SCAPER: variants seen among roughly 807,000 people sequenced by gnomAD.
The protein encoded by SCAPER is S phase cyclin A-associated protein in the endoplasmic reticulum.
In SCAPER, 98 loss-of-function variants were observed where a neutral mutation model predicts 182.2. That is an observed-to-expected ratio of 0.54 (90% CI 0.46 to 0.64). The LOEUF (loss-of-function observed/expected upper bound fraction) is 0.64. Among genes scored for constraint, SCAPER ranks in the 30% least tolerant of loss-of-function variants. The probability of loss-of-function intolerance (pLI) is 0.00; values close to 1 mark genes in which losing one functional copy is unlikely to be tolerated. For missense variants in SCAPER, 1,432 were observed against 1,690.0 expected, an observed-to-expected ratio of 0.85 and a Z score of 2.68; for synonymous variants, 605 against 564.6, an observed-to-expected ratio of 1.07 and a Z score of -1.01.
At position 76,753,919 on chromosome 15, in the gene SCAPER, T is replaced by C. The variant is rs1463120397; in HGVS notation, c.1755A>G (p.Glu585=). 11 of 1,612,916 alleles carry C rather than the reference T, an allele frequency of 6.8e-6. No homozygotes were observed. Among genetic ancestry groups the C allele is most frequent in the Non-Finnish European group, 9.3e-6 (11 of 1,179,262 alleles). The change falls in exon 15 of 32, where the codon GAA becomes GAG. Residue 585 remains glutamate, a synonymous_variant. Coordinates refer to ENST00000563290, the MANE Select transcript of SCAPER (RefSeq NM_020843.4). ...REKDVRKWKE[E]LLDQRRRMME... The stretch of plus-strand genomic sequence containing the variant: ...TCATCCTGCGTCGTTGATCTAGCAA[T>C]TCTTCCTTCCACTTCCGGACATCCT...
At chr15:76,574,344 C>T (rs931945500) in intron 22 of SCAPER, 60 bp from the exon 23 acceptor site, 13 of 1,546,022 alleles carry the variant, frequency 8.4e-6, no homozygotes, top group African/African-American at 1.4e-5. Flanking sequence ...ATCTTCATTT[C>T]CCAAAACACT....
At chr15:76,476,579 C>G (rs924705072) in intron 24 of SCAPER, among the ~76,000 whole-genome samples, 4 of 148,710 alleles carry the variant, frequency 2.7e-5, no homozygotes, top group African/African-American at 9.8e-5. Context: ...CAGGTACACA[C>G]CACAACACCC....
At chr15:76,873,656 T>C (rs1345712263) in intron 2 of SCAPER, among the ~76,000 whole-genome samples, 1 of 152,062 alleles carries the variant, frequency 6.6e-6, no homozygotes, top group African/African-American at 2.4e-5. Context: ...ACAAAAAAAT[T>C]AAGTAACAAT....
intron 23 of SCAPER, among the ~76,000 whole-genome samples, chr15:76,546,977 G>C (rs1370737259): frequency 2.0e-5 from 3 of 152,174 alleles, no homozygotes; most frequent in Middle Eastern, 3.4e-3. Context: ...GTTGTTTTCA[G>C]ATTTCTGTTA....
At chr15:76,620,910 A>G (rs2051977898) in intron 22 of SCAPER, among the ~76,000 whole-genome samples, 1 of 152,188 alleles carries the variant, frequency 6.6e-6, no homozygotes, top group Non-Finnish European at 1.5e-5. Flanking sequence ...GCTGGGCTTA[A>G]TACCTAGGTG....
intron 23 of SCAPER, among the ~76,000 whole-genome samples, chr15:76,534,767 C>T (rs2043991135): frequency 6.6e-6 from 1 of 151,944 alleles, no homozygotes; most frequent in African/African-American, 2.4e-5. Context: ...ATTAAGAGGA[C>T]ATTACAAATC....
At chr15:76,863,537 AATATAAAT>A (rs1256781478) in intron 2 of SCAPER, among the ~76,000 whole-genome samples, 3 of 152,208 alleles carry the variant, frequency 2.0e-5, no homozygotes, top group African/African-American at 7.2e-5. Flanking sequence ...TATAAAGAAA[AATATAAAT>A]ATATAAAGTA....
intron 21 of SCAPER, among the ~76,000 whole-genome samples, chr15:76,644,700 C>T (rs2054398048): frequency 6.6e-6 from 1 of 152,102 alleles, no homozygotes; most frequent in South Asian, 2.1e-4. Context: ...TACTTATAGG[C>T]ATCTGAGCAC....
intron 29 of SCAPER, among the ~76,000 whole-genome samples, chr15:76,360,477 A>G (rs1042026991): frequency 6.6e-6 from 1 of 151,972 alleles, no homozygotes; most frequent in African/African-American, 2.4e-5. Flanking sequence ...ATTCTTCCTC[A>G]CCTCAAAGGC....
intron 21 of SCAPER, among the ~76,000 whole-genome samples, chr15:76,622,115 A>T (rs1277644293): frequency 6.6e-6 from 1 of 152,154 alleles, no homozygotes; most frequent in Non-Finnish European, 1.5e-5. Flanking sequence ...TTTTATACTG[A>T]CTAAATACCA....
intron 14 of SCAPER, among the ~76,000 whole-genome samples, chr15:76,757,995 G>C (rs1010730607): frequency 6.6e-6 from 1 of 152,086 alleles, no homozygotes; most frequent in Non-Finnish European, 1.5e-5. Context: ...AAATATTTTA[G>C]ATATTAATGC....
intron 22 of SCAPER, among the ~76,000 whole-genome samples, chr15:76,618,574 C>T (rs1250949690): frequency 6.6e-6 from 1 of 151,720 alleles, no homozygotes; most frequent in Admixed American, 6.6e-5. Context: ...TCTTTTATAT[C>T]TCTTGTTAGC....
At chr15:76,422,603 C>T (rs940554320) in intron 26 of SCAPER, among the ~76,000 whole-genome samples, 5 of 152,160 alleles carry the variant, frequency 3.3e-5, no homozygotes, top group African/African-American at 4.8e-5. Flanking sequence ...TAATTGAATA[C>T]CCTTTATTTC....
chr15:76,539,136 C>T (rs1365474749), intron 23 of SCAPER, among the ~76,000 whole-genome samples: 1 of 151,376 alleles, frequency 6.6e-6, no homozygotes, highest in African/African-American at 2.4e-5. Flanking sequence ...ATAGCAATTG[C>T]TATACAAAAC....
At chr15:76,633,721 G>C (rs1200977557) in intron 21 of SCAPER, among the ~76,000 whole-genome samples, 1 of 152,336 alleles carries the variant, frequency 6.6e-6, no homozygotes, top group East Asian at 1.9e-4. Flanking sequence ...CCCAGCCACT[G>C]TGCTGCACTG....
At chr15:76,741,409 C>G (rs1470182764) in intron 15 of SCAPER, among the ~76,000 whole-genome samples, 2 of 152,004 alleles carry the variant, frequency 1.3e-5, no homozygotes, top group African/African-American at 4.8e-5. Flanking sequence ...TGGATTTATA[C>G]TTAGGCTTGA....
intron 14 of SCAPER, among the ~76,000 whole-genome samples, chr15:76,763,213 G>C (rs549234231): frequency 6.0e-4 from 91 of 152,180 alleles, no homozygotes; most frequent in African/African-American, 2.1e-3. Context: ...CCATTTTTAA[G>C]GATAGCTTTC....
chr15:76,679,059 G>T (rs2057533121), intron 20 of SCAPER, among the ~76,000 whole-genome samples: 1 of 152,124 alleles, frequency 6.6e-6, no homozygotes, highest in Non-Finnish European at 1.5e-5. Context: ...CTTTAAAGCT[G>T]ATTTGTAATT....
chr15:76,590,276 T>TG (rs1472968142), intron 22 of SCAPER, among the ~76,000 whole-genome samples: 1 of 152,230 alleles, frequency 6.6e-6, no homozygotes, highest in Non-Finnish European at 1.5e-5. Context: ...AAATTAAGTC[T>TG]GATTTTTAAC....
Sources: gnomAD v4.1 joint callset for allele counts (sites outside exome capture counted in the v4.1 genomes callset) on GRCh38, gnomAD v4.1.1 for gene constraint, MANE v1.5 for transcripts, NCBI Gene and HGNC (gene_info 2026-07-23, HGNC 2026-07-21) for gene names.